Variants in RBFOX1 observed in about 807,000 individuals in gnomAD.
The protein encoded by RBFOX1 is RNA binding fox-1 homolog 1.
A neutral mutation model predicts 57.7 loss-of-function variants in RBFOX1; 8 were observed. That is an observed-to-expected ratio of 0.14 (90% CI 0.08 to 0.25). RBFOX1 has a LOEUF of 0.25. Among genes scored for constraint, RBFOX1 ranks in the 10% least tolerant of loss-of-function variants. The pLI is 1.00. For synonymous variants in RBFOX1, 326 were observed against 222.4 expected (o/e 1.47, Z -4.15); for missense variants, 611 against 548.5 (o/e 1.11, Z -1.14).
intron 4 of RBFOX1, among the ~76,000 whole-genome samples, chr16:7,297,056 G>A (rs2095908924): frequency 6.6e-6 from 1 of 152,180 alleles, no homozygotes; most frequent in African/African-American, 2.4e-5. Context: ...GGGAGCCATA[G>A]TCAGTAGCCA....
intron 3 of RBFOX1, among the ~76,000 whole-genome samples, chr16:6,762,961 A>C (rs926249191): frequency 2.7e-4 from 41 of 152,172 alleles, no homozygotes; most frequent in Admixed American, 7.9e-4. Flanking sequence ...TCCCCAAATG[A>C]AGATAGAGGA....
chr16:7,242,127 C>A (rs971778402), intron 4 of RBFOX1, among the ~76,000 whole-genome samples: 1 of 152,056 alleles, frequency 6.6e-6, no homozygotes, highest in African/African-American at 2.4e-5. Flanking sequence ...AGAACCCCTG[C>A]TTATTGCTTG....
chr16:5,916,298 C>T (rs978125637), intron 4 of RBFOX1, among the ~76,000 whole-genome samples: 1 of 152,162 alleles, frequency 6.6e-6, no homozygotes, highest in African/African-American at 2.4e-5. Context: ...TAATTCCCCC[C>T]TCCTTTGTTG....
intron 1 of RBFOX1, among the ~76,000 whole-genome samples, chr16:6,203,155 C>T (rs1454184005): frequency 6.6e-6 from 1 of 152,038 alleles, no homozygotes; most frequent in African/African-American, 2.4e-5. Flanking sequence ...GTCTACAACA[C>T]AGTATAATTA....
At chr16:5,825,629 C>G (rs569511366) in intron 3 of RBFOX1, among the ~76,000 whole-genome samples, 1 of 152,174 alleles carries the variant, frequency 6.6e-6, no homozygotes, top group African/African-American at 2.4e-5. Flanking sequence ...ACATTAAGGA[C>G]GTTGACAGCG....
chr16:6,502,391 G>A (rs2095962843), intron 2 of RBFOX1, among the ~76,000 whole-genome samples: 1 of 152,124 alleles, frequency 6.6e-6, no homozygotes, highest in South Asian at 2.1e-4. Flanking sequence ...GTATAAGTAA[G>A]AGCTTAGGTC....
rs549266452 is a variant in RBFOX1 at position 5,889,963 on chromosome 16, G to A, written c.351+22628G>A. On this transcript the variant is annotated intron_variant, in intron 4 of 19. Transcript: ENST00000641259. The stretch of plus-strand genomic sequence containing the variant: ...AAACAGCCTCTGTGATGATCACAAT[G>A]CGTGTGAGATGTAGCTCCAGCTTCT... Among the ~76,000 whole-genome samples the A allele has an allele frequency of 3.6e-4, 55 of 152,350 alleles. 1 individual carries two copies. Among genetic ancestry groups the A allele is most frequent in the African/African-American group, 1.2e-3 (50 of 41,582 alleles).
At chr16:6,454,371 A>G (rs977172486) in intron 2 of RBFOX1, among the ~76,000 whole-genome samples, 1 of 152,150 alleles carries the variant, frequency 6.6e-6, no homozygotes, top group Non-Finnish European at 1.5e-5. Flanking sequence ...AGCCTGGGCA[A>G]CATAGCAGAA....
chr16:6,947,669 T>C (rs2079836044), intron 3 of RBFOX1, among the ~76,000 whole-genome samples: 1 of 152,358 alleles, frequency 6.6e-6, no homozygotes, highest in African/African-American at 2.4e-5. Flanking sequence ...GTTATCTCCT[T>C]GGGAAAGCTA....
intron 3 of RBFOX1, among the ~76,000 whole-genome samples, chr16:6,886,556 T>G (rs1307276601): frequency 6.6e-6 from 1 of 151,852 alleles, no homozygotes; most frequent in Non-Finnish European, 1.5e-5. Flanking sequence ...AGTTTGAGAC[T>G]AGCCTGGTCT....
At chr16:6,734,948 T>TG (rs1218530927) in intron 3 of RBFOX1, among the ~76,000 whole-genome samples, 1 of 152,168 alleles carries the variant, frequency 6.6e-6, no homozygotes, top group African/African-American at 2.4e-5. Flanking sequence ...AAGACTGGCA[T>TG]GGGCAACACA....
intron 14 of RBFOX1, among the ~76,000 whole-genome samples, chr16:7,697,808 T>TGAAACTAGTATTTTGAGTCGG (rs1235518316): frequency 6.6e-6 from 1 of 152,202 alleles, no homozygotes; most frequent in Non-Finnish European, 1.5e-5. Flanking sequence ...CTTGCTCCTA[T>TGAAACTAGTATTTTGAGTCGG]GAAACTAGTA....
intron 1 of RBFOX1, among the ~76,000 whole-genome samples, chr16:5,368,695 G>C (rs955267012): frequency 6.6e-6 from 1 of 152,090 alleles, no homozygotes; most frequent in Non-Finnish European, 1.5e-5. Flanking sequence ...GGCCTTTCAG[G>C]GGGGCAGGAG....
intron 3 of RBFOX1, among the ~76,000 whole-genome samples, chr16:6,756,762 A>G (rs1035079202): frequency 6.6e-6 from 1 of 152,136 alleles, no homozygotes; most frequent in African/African-American, 2.4e-5. Flanking sequence ...ATGTGAGGTC[A>G]GGAGTTCGAG....
chr16:6,520,786 C>G (rs1452883611), intron 2 of RBFOX1, among the ~76,000 whole-genome samples: 1 of 152,274 alleles, frequency 6.6e-6, no homozygotes, highest in African/African-American at 2.4e-5. Flanking sequence ...ACCAAGCCAT[C>G]TGCTTAATTA....
intron 1 of RBFOX1, among the ~76,000 whole-genome samples, chr16:6,217,763 CCAGCA>C (rs1206472500): frequency 1.3e-5 from 2 of 152,158 alleles, no homozygotes; most frequent in East Asian, 3.9e-4. Context: ...GCCTGTAATC[CCAGCA>C]CTTTGGGAGG....
At chr16:7,270,178 A>C (rs990825012) in intron 4 of RBFOX1, among the ~76,000 whole-genome samples, 1 of 152,226 alleles carries the variant, frequency 6.6e-6, no homozygotes, top group Non-Finnish European at 1.5e-5. Context: ...TCTGAGCCTT[A>C]GCCAGGGCTC....
chr16:5,722,317 C>T (rs2051966147), intron 3 of RBFOX1, among the ~76,000 whole-genome samples: 1 of 152,118 alleles, frequency 6.6e-6, no homozygotes, highest in Non-Finnish European at 1.5e-5. Flanking sequence ...ACTGTTGTTC[C>T]AGTATGGTTT....
intron 4 of RBFOX1, among the ~76,000 whole-genome samples, chr16:7,139,172 C>CTGTGTGTGTGTGTGTG (rs1466048089): frequency 6.0e-5 from 1 of 16,572 alleles, no homozygotes. Flanking sequence ...AAATCAATCT[C>CTGTGTGTGTGTGTGTG]TCTCTGTGTG....
Sources: allele counts gnomAD v4.1 joint callset (sites outside exome capture counted in the v4.1 genomes callset), GRCh38; gene constraint gnomAD v4.1.1; transcripts MANE v1.5; gene names NCBI Gene and HGNC (gene_info 2026-07-23, HGNC 2026-07-21).